Variants in CFI observed in about 807,000 individuals in gnomAD.
The protein encoded by CFI is C3B/C4B inactivator.
A neutral mutation model predicts 78.8 loss-of-function variants in CFI; 66 were observed. That is an observed-to-expected ratio of 0.84 (90% CI 0.69 to 1.03). CFI has a LOEUF of 1.03. Ranked by LOEUF, CFI falls within the 50% of genes least tolerant of loss-of-function variation. The probability of loss-of-function intolerance (pLI) is 0.00; values close to 1 mark genes in which losing one functional copy is unlikely to be tolerated. For missense variants in CFI, 706 were observed against 704.5 expected (o/e 1.00, Z -0.02); for synonymous variants, 250 against 232.6 (o/e 1.07, Z -0.68).
At position 109,742,286 on chromosome 4, in the gene CFI, G is replaced by A. The variant is rs1029776483; in HGVS notation, c.1534+205C>T. On this transcript the variant is annotated intron_variant, in intron 12 of 12. Transcript: ENST00000394634. ...CACCTTGCTGTGCTGCTATAGAATC[G>A]CTTAAGGAGGATTTTTCCTCATAGT... 6.3e-5 allele frequency: 36 copies of A among 568,342 alleles called. 1 individual carries two copies. Among genetic ancestry groups the A allele is most frequent in the South Asian group, 3.4e-4 (17 of 49,766 alleles). The allele number at this position is 568,342 out of a possible 1,614,324, so 35.2% of individuals were successfully genotyped here. A position where few individuals can be genotyped will look rare whatever the true frequency, so the allele number is the denominator to read the frequency against.
intron 1 of CFI, among the ~76,000 whole-genome samples, chr4:109,773,943 A>G (rs1728904305): frequency 6.6e-6 from 1 of 152,242 alleles, no homozygotes; most frequent in African/African-American, 2.4e-5. Flanking sequence ...AAAACTGAAA[A>G]CCACTATTGT....
intron 1 of CFI, among the ~76,000 whole-genome samples, chr4:109,772,873 C>T (rs1728770690): frequency 2.0e-5 from 3 of 152,082 alleles, no homozygotes; most frequent in Admixed American, 6.6e-5. Context: ...TGTGTGCCAC[C>T]CTGCCTAACC....
At chr4:109,764,868 G>C (rs1166029929) in intron 2 of CFI, among the ~76,000 whole-genome samples, 178 bp from the exon 3 acceptor site, 4 of 152,272 alleles carry the variant, frequency 2.6e-5, no homozygotes, top group African/African-American at 7.2e-5. Flanking sequence ...CAGCGGCAGT[G>C]CTATTCAGCT....
chr4:109,775,585 G>A (rs926141891), intron 1 of CFI, among the ~76,000 whole-genome samples: 3 of 152,204 alleles, frequency 2.0e-5, no homozygotes, highest in African/African-American at 7.2e-5. Context: ...GGGCATAGCT[G>A]AACAAAAGGC....
intron 7 of CFI, 113 bp downstream of exon 7, chr4:109,757,650 A>T: frequency 1.5e-6 from 1 of 685,110 alleles, no homozygotes; most frequent in Non-Finnish European, 2.5e-6. Flanking sequence ...CTGGGTTATT[A>T]CTAAAATGTG....
intron 8 of CFI, among the ~76,000 whole-genome samples, chr4:109,751,011 T>C (rs1290409142): frequency 6.6e-6 from 1 of 152,170 alleles, no homozygotes; most frequent in African/African-American, 2.4e-5. Context: ...GTATATAATC[T>C]CTGAGTCGGG....
At chr4:109,781,783 G>A (rs576150118) in intron 1 of CFI, among the ~76,000 whole-genome samples, 37 of 151,856 alleles carry the variant, frequency 2.4e-4, no homozygotes, top group Admixed American at 5.9e-4. Flanking sequence ...TAACCAAATC[G>A]AACAACATAT....
intron 8 of CFI, among the ~76,000 whole-genome samples, chr4:109,751,973 T>C (rs1463237144): frequency 1.3e-5 from 2 of 152,232 alleles, no homozygotes; most frequent in African/African-American, 4.8e-5. Context: ...AATCAATTGC[T>C]ATCTTCCCAG....
downstream of CFI, among the ~76,000 whole-genome samples, chr4:109,738,906 T>A (rs906376659): frequency 1.3e-5 from 2 of 152,190 alleles, no homozygotes; most frequent in African/African-American, 2.4e-5. Flanking sequence ...ATTTAATGGA[T>A]GAAAAATCTG....
chr4:109,775,388 G>A (rs1045903703), intron 1 of CFI, among the ~76,000 whole-genome samples: 2 of 152,196 alleles, frequency 1.3e-5, no homozygotes, highest in African/African-American at 2.4e-5. Context: ...CACCCACGGA[G>A]CCCCACTCAT....
At chr4:109,786,040 T>C (rs560462438) in intron 1 of CFI, among the ~76,000 whole-genome samples, 1 of 152,034 alleles carries the variant, frequency 6.6e-6, no homozygotes, top group South Asian at 2.1e-4. Flanking sequence ...AAAAAATTCT[T>C]TAAAAAAAAA....
At chr4:109,800,251 A>G (rs937567287) in intron 1 of CFI, among the ~76,000 whole-genome samples, 1 of 148,332 alleles carries the variant, frequency 6.7e-6, no homozygotes, top group Non-Finnish European at 1.5e-5. Context: ...AATTTAGGGT[A>G]TCAGTTGGTG....
chr4:109,790,227 T>C (rs930176259), intron 1 of CFI, among the ~76,000 whole-genome samples: 8 of 152,066 alleles, frequency 5.3e-5, no homozygotes, highest in Admixed American at 1.3e-4. Context: ...AGCTAAGGTC[T>C]GACAATTTTG....
intron 1 of CFI, among the ~76,000 whole-genome samples, chr4:109,800,933 C>T (rs187157624): frequency 6.6e-6 from 1 of 152,062 alleles, no homozygotes; most frequent in African/African-American, 2.4e-5. Flanking sequence ...TTAGTTATTT[C>T]CATTTATTCT....
At chr4:109,746,142 A>G (rs1397340562) in intron 11 of CFI, 80 bp downstream of exon 11, 2 of 1,490,568 alleles carry the variant, frequency 1.3e-6, no homozygotes, top group Non-Finnish European at 1.9e-6. Context: ...TCTGAGTGCT[A>G]GGAAATTAGC....
At chr4:109,774,680 G>A (rs1729002556) in intron 1 of CFI, among the ~76,000 whole-genome samples, 2 of 151,184 alleles carry the variant, frequency 1.3e-5, no homozygotes, top group African/African-American at 2.4e-5. Flanking sequence ...AGTGTGTAGA[G>A]GTTGAGCAGA....
chr4:109,774,496 T>C (rs1429187002), intron 1 of CFI, among the ~76,000 whole-genome samples: 1 of 152,146 alleles, frequency 6.6e-6, no homozygotes. Context: ...GGTACATTCT[T>C]GGTCAAAGGG....
At chr4:109,735,053 G>A in the CFI span, among the ~76,000 whole-genome samples, 5,411 of 152,216 alleles carry the variant, frequency 0.036, 123 homozygotes, top group Admixed American at 0.041. Flanking sequence ...TTGGGCTTAA[G>A]CAATCCTCCT....
intron 2 of CFI, 26 bp from the exon 3 acceptor site, chr4:109,764,716 G>A (rs1160740516): frequency 1.3e-6 from 2 of 1,598,420 alleles, no homozygotes; most frequent in African/African-American, 2.7e-5. Flanking sequence ...AAAATAATGT[G>A]CAATATGTAG....
Sources: allele counts gnomAD v4.1 joint callset (sites outside exome capture counted in the v4.1 genomes callset), GRCh38; gene constraint gnomAD v4.1.1; transcripts MANE v1.5; gene names NCBI Gene and HGNC (gene_info 2026-07-23, HGNC 2026-07-21).